The following CSMD1 variants were observed in gnomAD, a reference collection of about 807,000 sequenced individuals.
CSMD1 encodes the protein CUB and Sushi multiple domains 1.
In CSMD1, 213 loss-of-function variants were observed where a neutral mutation model predicts 417.5. The ratio of observed to expected loss-of-function variants is 0.51; its 90% CI spans 0.46 to 0.57. The LOEUF (loss-of-function observed/expected upper bound fraction) is 0.57, where lower values mean the gene tolerates loss of function less well. CSMD1 is among the 20% of genes least tolerant of loss of function. The probability of loss-of-function intolerance (pLI) is 0.00; values close to 1 mark genes in which losing one functional copy is unlikely to be tolerated. For synonymous variants in CSMD1, 2,862 were observed against 1,736.8 expected, an observed-to-expected ratio of 1.65 and a Z score of -16.11; for missense variants, 6,923 against 4,529.7, an observed-to-expected ratio of 1.53 and a Z score of -15.17.
At chr8:4,301,185 C>A (rs1457418126) in intron 3 of CSMD1, among the ~76,000 whole-genome samples, 1 of 152,110 alleles carries the variant, frequency 6.6e-6, no homozygotes, top group Non-Finnish European at 1.5e-5. Flanking sequence ...GGGCAGCTCT[C>A]CTGGGTAGTG....
chr8:3,778,183 G>T (rs921990476), intron 5 of CSMD1, among the ~76,000 whole-genome samples: 1 of 152,210 alleles, frequency 6.6e-6, no homozygotes, highest in Non-Finnish European at 1.5e-5. Flanking sequence ...GTCAGCAGGG[G>T]GCAGGGACGG....
intron 7 of CSMD1, among the ~76,000 whole-genome samples, chr8:3,634,068 G>C (rs193172366): frequency 2.0e-5 from 3 of 152,106 alleles, no homozygotes; most frequent in Non-Finnish European, 4.4e-5. Flanking sequence ...ATCTGGGTAG[G>C]GGGTGGTGGG....
chr8:3,316,802 A>T (rs1004879847), intron 23 of CSMD1, among the ~76,000 whole-genome samples: 3 of 152,092 alleles, frequency 2.0e-5, no homozygotes, highest in Admixed American at 6.5e-5. Context: ...CAGTGGGGGG[A>T]AGGCAACGGA....
Position 3,162,295 on chromosome 8 carries a change from A to T in CSMD1, c.5726-18T>A, listed in dbSNP as rs779537924. The T allele has an allele frequency of 1.4e-6, 2 of 1,457,748 alleles. No homozygotes were observed. The highest frequency in any genetic ancestry group is 1.9e-6 in the Non-Finnish European group (2 of 1,050,174). 90.3% of individuals were successfully genotyped at this position (1,457,748 alleles called of 1,614,324 possible). A position where few individuals can be genotyped will look rare whatever the true frequency, so the allele number is the denominator to read the frequency against. ...ACCTACAGCTAGAAATGCAAAGACA[A>T]ATGCTAGAAATTATATGATGTAAAC... is the stretch of plus-strand genomic sequence containing the variant. On this transcript the variant is annotated intron_variant, in intron 37 of 69. Transcript: ENST00000635120.
At chr8:4,836,838 T>G (rs1173541862) in intron 1 of CSMD1, among the ~76,000 whole-genome samples, 1 of 151,732 alleles carries the variant, frequency 6.6e-6, no homozygotes, top group Non-Finnish European at 1.5e-5. Context: ...AAAAAAAAAG[T>G]AGACGCTGTC....
chr8:3,302,654 T>C (rs1270246745), intron 25 of CSMD1, among the ~76,000 whole-genome samples: 1 of 152,168 alleles, frequency 6.6e-6, no homozygotes, highest in Non-Finnish European at 1.5e-5. Context: ...GCAGGCACCC[T>C]GTGAGCAGTC....
chr8:4,396,995 C>G (rs1804275763), intron 3 of CSMD1, among the ~76,000 whole-genome samples: 1 of 151,850 alleles, frequency 6.6e-6, no homozygotes, highest in Non-Finnish European at 1.5e-5. Context: ...TTCATGTAAC[C>G]AAACACCATC....
chr8:3,552,770 A>G (rs1023593300), intron 10 of CSMD1, among the ~76,000 whole-genome samples: 1 of 152,188 alleles, frequency 6.6e-6, no homozygotes, highest in African/African-American at 2.4e-5. Context: ...ACACAAGAAC[A>G]GTTCTGCTTT....
At chr8:3,498,980 G>A (rs528440785) in intron 10 of CSMD1, among the ~76,000 whole-genome samples, 2 of 151,936 alleles carry the variant, frequency 1.3e-5, no homozygotes, top group Non-Finnish European at 2.9e-5. Flanking sequence ...AATCATATAG[G>A]CATTTTGTAG....
At chr8:3,415,545 G>T (rs1239201948) in intron 12 of CSMD1, among the ~76,000 whole-genome samples, 1 of 152,126 alleles carries the variant, frequency 6.6e-6, no homozygotes, top group Non-Finnish European at 1.5e-5. Context: ...TTTTAGCAGC[G>T]ATGGAGTTTC....
intron 52 of CSMD1, among the ~76,000 whole-genome samples, chr8:3,017,930 C>G (rs80246745): frequency 0.037 from 5,483 of 148,960 alleles, 132 homozygotes; most frequent in African/African-American, 0.075. Context: ...TTTACTAATA[C>G]TTGTTCTTTA....
chr8:4,136,438 A>G (rs76519673), intron 3 of CSMD1, among the ~76,000 whole-genome samples: 4,919 of 152,248 alleles, frequency 0.032, 255 homozygotes, highest in African/African-American at 0.11. Context: ...CTCAGCAAGC[A>G]TCCCTTTTGA....
chr8:3,890,170 G>C (rs1049224969), intron 5 of CSMD1, among the ~76,000 whole-genome samples: 3 of 152,064 alleles, frequency 2.0e-5, no homozygotes, highest in Non-Finnish European at 4.4e-5. Context: ...GTAGCATTTT[G>C]ATAACTAAAG....
intron 3 of CSMD1, among the ~76,000 whole-genome samples, chr8:4,375,237 A>T (rs910943002): frequency 6.6e-6 from 1 of 152,130 alleles, no homozygotes. Context: ...ATGGTCTTAG[A>T]ATACATAAAA....
intron 2 of CSMD1, among the ~76,000 whole-genome samples, chr8:4,478,235 G>C (rs919586158): frequency 6.6e-6 from 1 of 152,122 alleles, no homozygotes; most frequent in African/African-American, 2.4e-5. Flanking sequence ...ATACTGAAAA[G>C]CTTCCTTAGA....
At chr8:4,957,830 T>C (rs529439256) in intron 1 of CSMD1, among the ~76,000 whole-genome samples, 11 of 152,184 alleles carry the variant, frequency 7.2e-5, no homozygotes, top group South Asian at 4.1e-4. Context: ...GATAGTACAA[T>C]TGGACAATAC....
rs530105022 is a variant in CSMD1 at position 3,755,302 on chromosome 8, T to C, written c.819-1260A>G. Among the ~76,000 whole-genome samples, 3 of 152,304 alleles carry C rather than the reference T, an allele frequency of 2.0e-5. No homozygotes were observed. The Middle Eastern group carries it at 0.01, about 518-fold the overall frequency. On this transcript the variant is annotated intron_variant, in intron 5 of 69. Transcript: ENST00000635120. ...AACCTCTGTTACCCATTGTATAAACTGGACACGAAAATACCTGTATCAAGG... is the reference window on the plus strand; with the variant it reads ...AACCTCTGTTACCCATTGTATAAACCGGACACGAAAATACCTGTATCAAGG...
At chr8:3,546,651 A>AC (rs1798677391) in intron 10 of CSMD1, among the ~76,000 whole-genome samples, 1 of 152,176 alleles carries the variant, frequency 6.6e-6, no homozygotes, top group Non-Finnish European at 1.5e-5. Flanking sequence ...AAACAAAAAA[A>AC]AATTACTCAT....
chr8:3,403,798 G>C (rs761657471), intron 15 of CSMD1, among the ~76,000 whole-genome samples: 21 of 152,148 alleles, frequency 1.4e-4, no homozygotes, highest in Non-Finnish European at 2.9e-5. Flanking sequence ...ATATCTTTGA[G>C]CACCACATGT....
Sources: gnomAD v4.1 joint callset for allele counts (sites outside exome capture counted in the v4.1 genomes callset) on GRCh38, gnomAD v4.1.1 for gene constraint, MANE v1.5 for transcripts, NCBI Gene and HGNC (gene_info 2026-07-23, HGNC 2026-07-21) for gene names.